ATP8A2: variants seen among roughly 807,000 people sequenced by gnomAD.
The protein encoded by ATP8A2 is phospholipid-transporting ATPase IB.
In ATP8A2, 100 loss-of-function variants were observed where a neutral mutation model predicts 165.6. That is an observed-to-expected ratio of 0.60 (90% CI 0.51 to 0.71). The LOEUF (loss-of-function observed/expected upper bound fraction) is 0.71. ATP8A2 is among the 30% of genes least tolerant of loss of function. ATP8A2 has a pLI of 0.00. For missense variants in ATP8A2, 1,227 were observed against 1,479.5 expected, an observed-to-expected ratio of 0.83 and a Z score of 2.80; for synonymous variants, 543 against 548.8, an observed-to-expected ratio of 0.99 and a Z score of 0.15.
At chr13:25,476,812 G>A (rs999286009) in intron 2 of ATP8A2, among the ~76,000 whole-genome samples, 3 of 152,160 alleles carry the variant, frequency 2.0e-5, no homozygotes, top group African/African-American at 7.2e-5. Flanking sequence ...GCCAGGCACT[G>A]TACTTTCTGA....
At chr13:25,822,168 G>A (rs183375160) in intron 27 of ATP8A2, among the ~76,000 whole-genome samples, 77 of 152,164 alleles carry the variant, frequency 5.1e-4, no homozygotes, top group Admixed American at 2.2e-3. Flanking sequence ...AACTTACTTA[G>A]AGTTCATTAC....
chr13:25,661,530 A>G (rs1412294979), intron 24 of ATP8A2, among the ~76,000 whole-genome samples: 1 of 152,180 alleles, frequency 6.6e-6, no homozygotes, highest in African/African-American at 2.4e-5. Context: ...TAATATCTCA[A>G]ATATATACTT....
Position 25,468,940 on chromosome 13 carries a change from TTGTGTCGTATTCTCTGCCTGCGCCC to T in ATP8A2, c.77-33_77-9del. On this transcript the variant is annotated splice_polypyrimidine_tract_variant and intron_variant, in intron 1 of 36. Coordinates refer to ENST00000381655, the MANE Select transcript of ATP8A2 (RefSeq NM_016529.6). Reference sequence around the variant, plus strand: ...GCCTCCCGCCTGGCGGTTGACTTCTTTGTGTCGTATTCTCTGCCTGCGCCCTGTCTCTGCAGGACCTGTTCGTTCT... The same window carrying T: ...GCCTCCCGCCTGGCGGTTGACTTCTTTGTCTCTGCAGGACCTGTTCGTTCT... The T allele has an allele frequency of 1.9e-6, 3 of 1,602,660 alleles. No individual in the cohort carries two copies. The highest frequency in any genetic ancestry group is 2.6e-6 in the Non-Finnish European group (3 of 1,172,452).
chr13:25,706,095 T>TA (rs1312654570), intron 25 of ATP8A2, among the ~76,000 whole-genome samples: 1 of 152,162 alleles, frequency 6.6e-6, no homozygotes, highest in Non-Finnish European at 1.5e-5. Context: ...TGAATTGGCT[T>TA]AGAGTCAGAG....
intron 25 of ATP8A2, among the ~76,000 whole-genome samples, chr13:25,747,578 G>A (rs2044061195): frequency 7.6e-6 from 1 of 131,162 alleles, no homozygotes; most frequent in African/African-American, 3.0e-5. Flanking sequence ...GGTTAGACAC[G>A]TGGAGGTGTG....
At chr13:25,478,700 G>A (rs530412136) in intron 2 of ATP8A2, among the ~76,000 whole-genome samples, 6 of 152,136 alleles carry the variant, frequency 3.9e-5, no homozygotes, top group Admixed American at 1.3e-4. Flanking sequence ...TTCAGTCTAC[G>A]TATAACATAT....
In ATP8A2 at chr13:25,767,987, G is replaced by A. The variant is rs574332129; in HGVS notation, c.2385-1059G>A. Among the ~76,000 whole-genome samples the A allele has an allele frequency of 1.3e-3, 191 of 149,200 alleles. 1 individual carries two copies. Among genetic ancestry groups the A allele is most frequent in the African/African-American group, 4.4e-3 (177 of 40,576 alleles). On this transcript the variant is annotated intron_variant, in intron 25 of 36. Transcript: ENST00000381655. The stretch of plus-strand genomic sequence containing the variant: ...TTTGAGTGTCCATTCTAGCTGATGC[G>A]TGAAGTCCATATGTGGGCGTGGCCA...
At chr13:25,615,196 G>T (rs1430055933) in intron 24 of ATP8A2, among the ~76,000 whole-genome samples, 1 of 152,104 alleles carries the variant, frequency 6.6e-6, no homozygotes, top group Non-Finnish European at 1.5e-5. Context: ...GACTGTCCTT[G>T]GGCAGGGCTT....
chr13:25,880,461 C>G (rs1267461154), intron 33 of ATP8A2, among the ~76,000 whole-genome samples: 1 of 151,576 alleles, frequency 6.6e-6, no homozygotes, highest in Non-Finnish European at 1.5e-5. Flanking sequence ...TAGTTTCACA[C>G]TTAAGTAAAT....
intron 10 of ATP8A2, among the ~76,000 whole-genome samples, chr13:25,549,793 G>C (rs986138056): frequency 1.3e-5 from 2 of 152,044 alleles, no homozygotes; most frequent in African/African-American, 4.8e-5. Flanking sequence ...TAAAACCCGA[G>C]ATGTTGGCTG....
At chr13:25,879,977 C>T (rs1416149195) in intron 33 of ATP8A2, among the ~76,000 whole-genome samples, 2 of 151,926 alleles carry the variant, frequency 1.3e-5, no homozygotes, top group Admixed American at 6.6e-5. Context: ...GAGTTTTTCC[C>T]GTGAGAAAAA....
At chr13:25,992,757 A>G (rs1411262570) in intron 35 of ATP8A2, among the ~76,000 whole-genome samples, 1 of 151,570 alleles carries the variant, frequency 6.6e-6, no homozygotes, top group African/African-American at 2.4e-5. Context: ...TTACATATGT[A>G]TACATGTGCC....
In ATP8A2 at chr13:25,889,273, TAA is replaced by T. The variant is rs1491517147; in HGVS notation, c.3183+26868_3183+26869del. Reference sequence around the variant, plus strand: ...ATATATATATATATATATATATATATAAAATTTAAATGATTTTAAAAAATAAT... The same window carrying T: ...ATATATATATATATATATATATATATAATTTAAATGATTTTAAAAAATAAT... On this transcript the variant is annotated intron_variant, in intron 33 of 36. Coordinates refer to ENST00000381655, the MANE Select transcript of ATP8A2 (RefSeq NM_016529.6). Among the ~76,000 whole-genome samples, 20 of 141,184 alleles carry T rather than the reference TAA, an allele frequency of 1.4e-4. 1 individual carries two copies. The highest frequency in any genetic ancestry group is 1.6e-4 in the Non-Finnish European group (10 of 64,096). The allele number at this position is 141,184 out of a possible 152,430, so 92.6% of individuals were successfully genotyped here.
chr13:25,769,064 G>T lies in ATP8A2; in HGVS notation c.2403G>T (p.Lys801Asn). ...CTCACAGAGTGTCTCCTCTGCAGAA[G>T]TCTGAGATAGTGGATGTGGTGAAGA... Reference protein sequence around the residue: ...VICCRVSPLQKSEIVDVVKKR... With the variant: ...VICCRVSPLQNSEIVDVVKKR... Residue 801 changes from lysine to asparagine, a missense_variant, in exon 26 of 37, where the codon AAG becomes AAT. Physicochemically the swap from Lys to Asn is moderately conservative, Grantham distance 94 (BLOSUM62 0). Around this residue, in one of 5 missense-constraint regions of ATP8A2, gnomAD observed 592 missense variants for 785.6 expected, o/e 0.75. Coordinates refer to ENST00000381655, the MANE Select transcript of ATP8A2 (RefSeq NM_016529.6). 1 of 1,614,184 alleles carries T rather than the reference G, an allele frequency of 6.2e-7. No homozygotes were observed. The highest frequency in any genetic ancestry group is 8.5e-7 in the Non-Finnish European group (1 of 1,180,034).
intron 33 of ATP8A2, among the ~76,000 whole-genome samples, chr13:25,891,728 C>T (rs1394595086): frequency 3.3e-5 from 5 of 152,046 alleles, no homozygotes; most frequent in Admixed American, 6.6e-5. Flanking sequence ...GGAGGGGATG[C>T]GCTATAATTC....
intron 29 of ATP8A2, among the ~76,000 whole-genome samples, chr13:25,837,496 G>A (rs1304164682): frequency 1.4e-5 from 2 of 147,190 alleles, no homozygotes; most frequent in Admixed American, 6.8e-5. Flanking sequence ...AATTCAAGAC[G>A]CCTTCTCAGG....
rs550835920 is a variant in ATP8A2 at position 25,425,871 on chromosome 13, C to T, written c.77-43106C>T. 1.7e-3 allele frequency among the ~76,000 whole-genome samples: 262 copies of T among 152,212 alleles called. 2 individuals are homozygous for T. Among genetic ancestry groups the T allele is most frequent in the Middle Eastern group, 0.01 (3 of 294 alleles). On this transcript the variant is annotated intron_variant, in intron 1 of 36. Transcript: ENST00000381655. Reference sequence around the variant, plus strand: ...GATTACAGGCGTGAGCCACTGCGCCCGGCCAGATTGGCTTCTTTCACTTAG... The same window carrying T: ...GATTACAGGCGTGAGCCACTGCGCCTGGCCAGATTGGCTTCTTTCACTTAG...
chr13:25,424,930 C>G (rs2034402142), intron 1 of ATP8A2, among the ~76,000 whole-genome samples: 1 of 152,156 alleles, frequency 6.6e-6, no homozygotes, highest in African/African-American at 2.4e-5. Flanking sequence ...TACACTCCAG[C>G]CCGGGCGACA....
At chr13:25,812,591 T>C (rs1019718066) in intron 27 of ATP8A2, among the ~76,000 whole-genome samples, 11 of 38,564 alleles carry the variant, frequency 2.9e-4, no homozygotes, top group African/African-American at 9.2e-4. Flanking sequence ...GACTGAGATC[T>C]ATAGAAATGA....
Sources: allele counts gnomAD v4.1 joint callset (sites outside exome capture counted in the v4.1 genomes callset), GRCh38; gene constraint gnomAD v4.1.1; regional missense constraint gnomAD v4.1.1; transcripts MANE v1.5; gene names NCBI Gene and HGNC (gene_info 2026-07-23, HGNC 2026-07-21).